The following NRG1 variants were observed in gnomAD, a reference collection of about 807,000 sequenced individuals.
NRG1 encodes the protein pro-neuregulin-1, membrane-bound isoform.
NRG1 carries 18 observed loss-of-function variants against 63.8 expected under a neutral mutation model. The ratio of observed to expected loss-of-function variants is 0.28; its 90% CI spans 0.19 to 0.42. The LOEUF (loss-of-function observed/expected upper bound fraction) is 0.42. Among genes scored for constraint, NRG1 ranks in the 10% least tolerant of loss-of-function variants. The pLI is 1.00. For synonymous variants in NRG1, 302 were observed against 301.3 expected (o/e 1.00, Z -0.02); for missense variants, 762 against 814.7 (o/e 0.94, Z 0.79).
At chr8:32,064,838 T>C (rs1824485913) in intron 1 of NRG1, among the ~76,000 whole-genome samples, 1 of 152,092 alleles carries the variant, frequency 6.6e-6, no homozygotes, top group Non-Finnish European at 1.5e-5. Context: ...ATGTACCTAT[T>C]ACATAACAGT....
chr8:32,728,316 T>A (rs1216050721), intron 6 of NRG1: 1 of 983,454 alleles, frequency 1.0e-6, no homozygotes, highest in Non-Finnish European at 1.2e-6. Flanking sequence ...TTTGTTTTTG[T>A]TTTTTGCCAT....
intron 1 of NRG1, among the ~76,000 whole-genome samples, chr8:32,572,574 C>T (rs1055306961): frequency 7.2e-5 from 11 of 152,208 alleles, no homozygotes; most frequent in African/African-American, 2.2e-4. Context: ...TATACAGTAG[C>T]TAAAAATCAT....
intron 1 of NRG1, among the ~76,000 whole-genome samples, chr8:32,105,842 G>A (rs1300330305): frequency 2.0e-5 from 3 of 151,978 alleles, no homozygotes; most frequent in South Asian, 2.1e-4. Context: ...AAAAGTGATG[G>A]GATATCATAA....
At chr8:31,721,786 A>G (rs2131309289) in intron 1 of NRG1, among the ~76,000 whole-genome samples, 1 of 152,068 alleles carries the variant, frequency 6.6e-6, no homozygotes, top group Non-Finnish European at 1.5e-5. Flanking sequence ...TTTGTTTGCT[A>G]TGTATATTGC....
At chr8:32,597,890 TAAGTATGATTCTTACAAAG>T (rs1409005600) in intron 2 of NRG1, among the ~76,000 whole-genome samples, 3 of 152,036 alleles carry the variant, frequency 2.0e-5, no homozygotes, top group Non-Finnish European at 4.4e-5. Flanking sequence ...ATTGAAAAGA[TAAGTATGATTCTTACAAAG>T]AAGTTTAACA....
chr8:32,044,693 A>T (rs1820644331), intron 1 of NRG1, among the ~76,000 whole-genome samples: 1 of 151,438 alleles, frequency 6.6e-6, no homozygotes, highest in Non-Finnish European at 1.5e-5. Flanking sequence ...GAAATTCAAC[A>T]ATACACTTCT....
intron 1 of NRG1, among the ~76,000 whole-genome samples, chr8:31,685,961 T>C (rs1162016150): frequency 6.6e-6 from 1 of 152,218 alleles, no homozygotes; most frequent in Non-Finnish European, 1.5e-5. Flanking sequence ...TGAACATTCA[T>C]ATACAAGTTT....
At chr8:31,685,144 AG>A (rs1808756572) in intron 1 of NRG1, among the ~76,000 whole-genome samples, 2 of 152,122 alleles carry the variant, frequency 1.3e-5, no homozygotes, top group African/African-American at 2.4e-5. Context: ...TTGAGCTTGG[AG>A]GGGAAATGGC....
intron 1 of NRG1, among the ~76,000 whole-genome samples, chr8:32,378,189 G>C (rs894459435): frequency 1.3e-5 from 2 of 152,038 alleles, no homozygotes; most frequent in Non-Finnish European, 2.9e-5. Context: ...AAGGAACAAG[G>C]CCAGCTAGAC....
chr8:31,768,541 C>T (rs901370952), intron 1 of NRG1, among the ~76,000 whole-genome samples: 20 of 152,092 alleles, frequency 1.3e-4, no homozygotes, highest in African/African-American at 4.6e-4. Flanking sequence ...TTCAAATTAC[C>T]GAAAAGAGTA....
chr8:32,607,207 T>C (rs1563754592), intron 3 of NRG1, among the ~76,000 whole-genome samples: 2 of 152,188 alleles, frequency 1.3e-5, no homozygotes, highest in African/African-American at 4.8e-5. Context: ...AATAGTTTGC[T>C]AGTATTACTT....
At chr8:32,673,810 C>T (rs995594035) in intron 5 of NRG1, among the ~76,000 whole-genome samples, 4 of 152,172 alleles carry the variant, frequency 2.6e-5, no homozygotes, top group African/African-American at 9.7e-5. Flanking sequence ...ATTGAGATTA[C>T]GTGACACTGC....
At chr8:32,034,712 C>G (rs975795382) in intron 1 of NRG1, among the ~76,000 whole-genome samples, 2 of 152,108 alleles carry the variant, frequency 1.3e-5, no homozygotes, top group Non-Finnish European at 1.5e-5. Flanking sequence ...TGCATTTCTT[C>G]TAGATTTTCT....
At chr8:32,185,299 C>T (rs991779569) in intron 1 of NRG1, among the ~76,000 whole-genome samples, 5 of 152,084 alleles carry the variant, frequency 3.3e-5, no homozygotes, top group Non-Finnish European at 5.9e-5. Context: ...ACTGTTAGTA[C>T]CTCTGAATTC....
intron 1 of NRG1, among the ~76,000 whole-genome samples, chr8:32,141,592 G>GTATATA (rs59251868): frequency 0.044 from 3,126 of 71,536 alleles, 204 homozygotes; most frequent in Non-Finnish European, 0.058. Context: ...ATGTGTGTGG[G>GTATATA]TATATATATA....
At chr8:31,720,864 T>G (rs183553277) in intron 1 of NRG1, among the ~76,000 whole-genome samples, 45 of 152,288 alleles carry the variant, frequency 3.0e-4, no homozygotes, top group African/African-American at 9.4e-4. Context: ...CCTTGAACAA[T>G]ATTTTGCACA....
chr8:32,514,256 G>C (rs1327265002), intron 1 of NRG1, among the ~76,000 whole-genome samples: 3 of 152,074 alleles, frequency 2.0e-5, no homozygotes, highest in African/African-American at 7.2e-5. Context: ...TTGCAGAAAT[G>C]CAGTTACATT....
At chr8:32,255,129 G>A (rs566622829) in intron 1 of NRG1, among the ~76,000 whole-genome samples, 1 of 152,238 alleles carries the variant, frequency 6.6e-6, no homozygotes, top group South Asian at 2.1e-4. Context: ...ACACCAATGG[G>A]TCTTGACTCT....
At chr8:31,748,412 T>G (rs1214879577) in intron 1 of NRG1, among the ~76,000 whole-genome samples, 2 of 151,948 alleles carry the variant, frequency 1.3e-5, no homozygotes, top group East Asian at 3.9e-4. Context: ...CACAAGTGAT[T>G]GGGCCAATGT....
Sources: allele counts gnomAD v4.1 joint callset (sites outside exome capture counted in the v4.1 genomes callset), GRCh38; gene constraint gnomAD v4.1.1; transcripts MANE v1.5; gene names NCBI Gene and HGNC (gene_info 2026-07-23, HGNC 2026-07-21).